ZNF638: variants seen among roughly 807,000 people sequenced by gnomAD.
The protein encoded by ZNF638 is zinc finger protein 638.
A neutral mutation model predicts 195.6 loss-of-function variants in ZNF638; 46 were observed. That is an observed-to-expected ratio of 0.24 (90% confidence interval 0.19 to 0.30). ZNF638 has a LOEUF of 0.30. ZNF638 is among the 10% of genes least tolerant of loss of function. The pLI is 1.00. For synonymous variants in ZNF638, 845 were observed against 772.0 expected (o/e 1.09, Z -1.57); for missense variants, 2,440 against 2,325.3 (o/e 1.05, Z -1.01).
intron 17 of ZNF638, among the ~76,000 whole-genome samples, chr2:71,404,447 C>T (rs564996770): frequency 7.9e-5 from 12 of 152,270 alleles, no homozygotes; most frequent in African/African-American, 2.4e-4. Flanking sequence ...TGGTGGCTCA[C>T]GCTGGTGATC....
chr2:71,349,628 A>G lies in ZNF638; in HGVS notation c.674A>G (p.Glu225Gly). The stretch of plus-strand genomic sequence containing the variant: ...TATGGCTACACAGAAGATCCACTTG[A>G]AGTACGTATTTATGATCCTGAAATT... ...SKYGYTEDPL[E>G]VRIYDPEIPT... Residue 225 changes from glutamate to glycine, a missense_variant, in exon 2 of 28, where the codon GAA becomes GGA. Transcript: ENST00000264447. 6.2e-7 allele frequency: 1 copy of G among 1,614,222 alleles called. No homozygotes were observed. Among genetic ancestry groups the G allele is most frequent in the Non-Finnish European group, 8.5e-7 (1 of 1,180,036 alleles).
chr2:71,383,854 G>T (rs1269681656), intron 10 of ZNF638, among the ~76,000 whole-genome samples: 1 of 139,212 alleles, frequency 7.2e-6, no homozygotes, highest in Non-Finnish European at 1.5e-5. Context: ...CACCCACCTC[G>T]GCCTCCCAAA....
chr2:71,406,967 T>G (rs899325235), intron 19 of ZNF638, among the ~76,000 whole-genome samples: 1 of 152,192 alleles, frequency 6.6e-6, no homozygotes, highest in Non-Finnish European at 1.5e-5. Flanking sequence ...GCCACCACAC[T>G]CCAGCCTGGG....
chr2:71,348,067 A>G (rs560617081), intron 1 of ZNF638, among the ~76,000 whole-genome samples: 1 of 152,206 alleles, frequency 6.6e-6, no homozygotes, highest in African/African-American at 2.4e-5. Context: ...ATATTCGTCC[A>G]TACTGCGTCT....
At chr2:71,404,065 AT>A (rs2080057048) in intron 17 of ZNF638, 67 bp downstream of exon 17, 6 of 1,496,280 alleles carry the variant, frequency 4.0e-6, no homozygotes, top group Non-Finnish European at 4.5e-6. Context: ...ACAGTCTGTT[AT>A]GTTTTCTAGT....
chr2:71,349,404 T>C lies in ZNF638; in HGVS notation c.450T>C (p.Ser150=). The part of the protein sequence containing the change: ...ASSILASFGL[S]NEDLEELSRY... Reference sequence around the variant, plus strand: ...GTATCTTAGCAAGTTTTGGATTATCTAATGAAGACCTAGAAGAACTTAGTC... The same window carrying C: ...GTATCTTAGCAAGTTTTGGATTATCCAATGAAGACCTAGAAGAACTTAGTC... Residue 150 remains serine (S), a synonymous_variant, in exon 2 of 28, where the codon TCT becomes TCC. Transcript: ENST00000264447. The C allele has an allele frequency of 6.2e-7, 1 of 1,614,138 alleles. No homozygotes were observed.
At chr2:71,339,168 T>TA (rs34738448) in intron 1 of ZNF638, among the ~76,000 whole-genome samples, 37,200 of 124,240 alleles carry the variant, frequency 0.3, 6,146 homozygotes, top group African/African-American at 0.5. Context: ...TTTTTTTTTT[T>TA]ATTGAGACGG....
chr2:71,373,701 A>T (rs1558851117), intron 8 of ZNF638, among the ~76,000 whole-genome samples: 1 of 152,038 alleles, frequency 6.6e-6, no homozygotes, highest in Admixed American at 6.6e-5. Flanking sequence ...TACAGGCGTG[A>T]GCCACCTCGC....
rs779524359 is a variant in ZNF638, at chr2:71,418,585, T to C, written c.3262-17T>C. 1.0e-5 allele frequency: 16 copies of C among 1,530,384 alleles called. No homozygotes were observed. Among genetic ancestry groups the C allele is most frequent in the South Asian group, 1.3e-5 (1 of 75,092 alleles). The allele number at this position is 1,530,384 out of a possible 1,614,324, so 94.8% of individuals were successfully genotyped here. On this transcript the variant is annotated splice_polypyrimidine_tract_variant and intron_variant, in intron 20 of 27. Transcript: ENST00000264447. ...TCCAGTGGAATAGCCTCTAATAAAATGCTGATTATATTACAGGTGCAAATT... is the reference window on the plus strand; with the variant it reads ...TCCAGTGGAATAGCCTCTAATAAAACGCTGATTATATTACAGGTGCAAATT...
At chr2:71,333,979 G>C (rs751915124) in intron 1 of ZNF638, among the ~76,000 whole-genome samples, 6 of 152,186 alleles carry the variant, frequency 3.9e-5, no homozygotes, top group Non-Finnish European at 7.3e-5. Context: ...GGCTTAAAAG[G>C]ATTTAGAGTA....
intron 10 of ZNF638, chr2:71,388,518 G>T: frequency 1.4e-6 from 1 of 710,458 alleles, no homozygotes; most frequent in South Asian, 1.5e-5. Flanking sequence ...CCAGCTTATT[G>T]GGGCTGCGTT....
chr2:71,359,504 G>A (rs773043035), intron 3 of ZNF638, among the ~76,000 whole-genome samples: 1 of 152,226 alleles, frequency 6.6e-6, no homozygotes, highest in African/African-American at 2.4e-5. Context: ...ATTGAGGGCA[G>A]ATCTTCCTTA....
intron 19 of ZNF638, 59 bp from the exon 20 acceptor site, chr2:71,408,063 G>A: frequency 1.3e-6 from 2 of 1,517,836 alleles, no homozygotes; most frequent in Non-Finnish European, 1.8e-6. Flanking sequence ...GGATTATGTG[G>A]TTATTCTAAT....
chr2:71,372,522 T>A (rs1383566956), intron 8 of ZNF638, among the ~76,000 whole-genome samples: 8 of 151,998 alleles, frequency 5.3e-5, no homozygotes, highest in Admixed American at 5.2e-4. Flanking sequence ...ATTAGGGAGG[T>A]GTGCTGTCAG....
intron 1 of ZNF638, 160 bp from the exon 2 acceptor site, chr2:71,348,593 T>G (rs978529609): frequency 2.5e-6 from 3 of 1,200,428 alleles, no homozygotes; most frequent in African/African-American, 3.2e-5. Flanking sequence ...AAGAGAAAGT[T>G]TTTGGGAAAT....
At chr2:71,379,352 G>T (rs1471242256) in intron 8 of ZNF638, among the ~76,000 whole-genome samples, 1 of 152,176 alleles carries the variant, frequency 6.6e-6, no homozygotes, top group East Asian at 1.9e-4. Flanking sequence ...TTCTGAGTTA[G>T]CATGATGAAA....
intron 23 of ZNF638, among the ~76,000 whole-genome samples, chr2:71,425,628 T>G (rs1398463652): frequency 6.6e-6 from 1 of 152,154 alleles, no homozygotes; most frequent in Non-Finnish European, 1.5e-5. Context: ...GTAATAATTT[T>G]TTCATACAAC....
intron 6 of ZNF638, among the ~76,000 whole-genome samples, chr2:71,367,751 T>TTTTTA (rs1553471478): frequency 6.7e-6 from 1 of 149,382 alleles, no homozygotes; most frequent in Non-Finnish European, 1.5e-5. Flanking sequence ...TTTTTTTTTT[T>TTTTTA]AAAAATATAG....
At chr2:71,343,039 T>C (rs1326275154) in intron 1 of ZNF638, among the ~76,000 whole-genome samples, 2 of 152,222 alleles carry the variant, frequency 1.3e-5, no homozygotes, top group African/African-American at 4.8e-5. Flanking sequence ...TAGTAAGACA[T>C]TGTTATTTGA....
Sources: allele counts gnomAD v4.1 joint callset (sites outside exome capture counted in the v4.1 genomes callset), GRCh38; gene constraint gnomAD v4.1.1; transcripts MANE v1.5; gene names NCBI Gene and HGNC (gene_info 2026-07-23, HGNC 2026-07-21).